Variants in FCHSD2 observed in about 807,000 individuals in gnomAD.
FCHSD2 encodes the protein FCH and double SH3 domains 2, also known as F-BAR and double SH3 domains protein 2.
A neutral mutation model predicts 108.1 loss-of-function variants in FCHSD2; 38 were observed. That is an observed-to-expected ratio of 0.35 (90% CI 0.27 to 0.46). The LOEUF is 0.46. Among genes scored for constraint, FCHSD2 ranks in the 20% least tolerant of loss-of-function variants. The pLI is 1.00. For synonymous variants in FCHSD2, 279 were observed against 314.7 expected (o/e 0.89, Z 1.20); for missense variants, 751 against 897.8 (o/e 0.84, Z 2.09).
intron 13 of FCHSD2, among the ~76,000 whole-genome samples, chr11:72,860,709 G>C (rs907222633): frequency 3.9e-5 from 6 of 152,020 alleles, no homozygotes; most frequent in Non-Finnish European, 5.9e-5. Flanking sequence ...GCTGGGCGTG[G>C]TGGTGCTGGG....
At chr11:72,894,756 A>G (rs1855385069) in intron 10 of FCHSD2, among the ~76,000 whole-genome samples, 1 of 152,164 alleles carries the variant, frequency 6.6e-6, no homozygotes, top group Non-Finnish European at 1.5e-5. Flanking sequence ...TTGGAGCCAA[A>G]ACTCACTTGA....
intron 8 of FCHSD2, among the ~76,000 whole-genome samples, chr11:72,951,794 A>G (rs1251650906): frequency 1.3e-5 from 2 of 152,118 alleles, no homozygotes; most frequent in Admixed American, 6.6e-5. Flanking sequence ...CCCTTTCACA[A>G]TCTCTTTATA....
chr11:73,034,319 CA>C (rs2135454996), intron 3 of FCHSD2, among the ~76,000 whole-genome samples: 1 of 152,326 alleles, frequency 6.6e-6, no homozygotes, highest in East Asian at 1.9e-4. Flanking sequence ...ACCAAGTGCT[CA>C]CACCTACTTC....
At chr11:73,110,496 T>G (rs114706437) in intron 2 of FCHSD2, among the ~76,000 whole-genome samples, 82 of 152,296 alleles carry the variant, frequency 5.4e-4, no homozygotes, top group African/African-American at 1.9e-3. Context: ...ATAGTACCCA[T>G]GAATAATCTT....
In FCHSD2 at chr11:73,104,702, G is replaced by A. The variant is rs373406058; in HGVS notation, c.120-20962C>T. ...TCCTGCCTCAGCCTCCCAAGTAGCT[G>A]GGACCACAGGCACGTGCCACCGCAC... On this transcript the variant is annotated intron_variant, in intron 2 of 19. Coordinates refer to ENST00000409418, the MANE Select transcript of FCHSD2 (RefSeq NM_014824.3). Among the ~76,000 whole-genome samples, 30 of 152,106 alleles carry A rather than the reference G, an allele frequency of 2.0e-4. No individual in the cohort carries two copies. The South Asian group carries it at 6.0e-3, about 31-fold the overall frequency.
intron 3 of FCHSD2, among the ~76,000 whole-genome samples, chr11:73,064,540 G>T (rs1275643744): frequency 1.3e-5 from 2 of 151,878 alleles, no homozygotes; most frequent in African/African-American, 2.4e-5. Context: ...TAGACTGCTT[G>T]CCAGACTAAT....
intron 3 of FCHSD2, among the ~76,000 whole-genome samples, chr11:73,033,721 G>A (rs1451286068): frequency 6.6e-6 from 1 of 152,172 alleles, no homozygotes; most frequent in Non-Finnish European, 1.5e-5. Flanking sequence ...AAAAGACCAG[G>A]ACTTTGAAGT....
At chr11:73,027,316 T>A (rs1368206500) in intron 3 of FCHSD2, among the ~76,000 whole-genome samples, 1 of 152,222 alleles carries the variant, frequency 6.6e-6, no homozygotes, top group Non-Finnish European at 1.5e-5. Context: ...ACTCTTGCTA[T>A]GCTTTAACAG....
intron 3 of FCHSD2, among the ~76,000 whole-genome samples, chr11:73,017,857 G>A (rs1858008652): frequency 6.6e-6 from 1 of 152,002 alleles, no homozygotes. Context: ...TGTGAAAAGC[G>A]TCATTGCCTA....
chr11:73,051,881 AC>A (rs1858907408), intron 3 of FCHSD2, among the ~76,000 whole-genome samples: 1 of 124,092 alleles, frequency 8.1e-6, no homozygotes, highest in African/African-American at 3.0e-5. Context: ...ACACACACAC[AC>A]ACACACACAC....
chr11:73,011,649 CA>C (rs1429639570), intron 4 of FCHSD2, among the ~76,000 whole-genome samples: 2 of 152,116 alleles, frequency 1.3e-5, no homozygotes, highest in African/African-American at 4.8e-5. Context: ...GTAGTGCCAT[CA>C]CACAATCTCC....
At chr11:73,049,064 A>G (rs934583020) in intron 3 of FCHSD2, among the ~76,000 whole-genome samples, 8 of 152,230 alleles carry the variant, frequency 5.3e-5, no homozygotes, top group African/African-American at 1.9e-4. Context: ...CAAAGGAGTA[A>G]AAAGTCCTGC....
At chr11:73,004,421 ACCT>A (rs1203933014) in intron 4 of FCHSD2, among the ~76,000 whole-genome samples, 2 of 151,894 alleles carry the variant, frequency 1.3e-5, no homozygotes, top group Non-Finnish European at 2.9e-5. Flanking sequence ...TCTGACTAAC[ACCT>A]CCTGATTCTA....
At chr11:72,913,038 G>A (rs1047775047) in intron 9 of FCHSD2, among the ~76,000 whole-genome samples, 3 of 152,130 alleles carry the variant, frequency 2.0e-5, no homozygotes, top group African/African-American at 7.2e-5. Context: ...TACGTGGCAG[G>A]AGCAGGAGGA....
intron 3 of FCHSD2, among the ~76,000 whole-genome samples, chr11:73,066,493 TGG>T (rs1447755442): frequency 6.6e-6 from 1 of 151,862 alleles, no homozygotes; most frequent in Non-Finnish European, 1.5e-5. Context: ...CCAAAACTAA[TGG>T]GATCTAATTA....
chr11:73,048,125 T>C (rs916194481), intron 3 of FCHSD2, among the ~76,000 whole-genome samples: 1 of 151,972 alleles, frequency 6.6e-6, no homozygotes, highest in African/African-American at 2.4e-5. Context: ...ATAGAAAAAC[T>C]TGACAATGTT....
At chr11:73,081,682 G>A (rs1859690163) in intron 3 of FCHSD2, among the ~76,000 whole-genome samples, 1 of 151,830 alleles carries the variant, frequency 6.6e-6, no homozygotes, top group African/African-American at 2.4e-5. Context: ...ATGTGCCACT[G>A]CACTTGGCTA....
chr11:72,880,460 C>G (rs779405695), intron 12 of FCHSD2, among the ~76,000 whole-genome samples: 4 of 152,034 alleles, frequency 2.6e-5, no homozygotes, highest in Non-Finnish European at 4.4e-5. Flanking sequence ...TATAGCCAAC[C>G]AATTTACAAA....
intron 3 of FCHSD2, among the ~76,000 whole-genome samples, chr11:73,083,441 C>T (rs1859742735): frequency 6.6e-6 from 1 of 151,906 alleles, no homozygotes. Flanking sequence ...CCCAGCTACT[C>T]AGGAGGCTGA....
Sources: gnomAD v4.1 joint callset for allele counts (sites outside exome capture counted in the v4.1 genomes callset) on GRCh38, gnomAD v4.1.1 for gene constraint, MANE v1.5 for transcripts, NCBI Gene and HGNC (gene_info 2026-07-23, HGNC 2026-07-21) for gene names.